NEK1: variants seen among roughly 807,000 people sequenced by gnomAD.
The protein encoded by NEK1 is serine/threonine-protein kinase Nek1.
NEK1 carries 137 observed loss-of-function variants against 182.1 expected under a neutral mutation model. The observed-to-expected ratio is 0.75, with a 90% CI of 0.65 to 0.87. The LOEUF is 0.87. NEK1 is among the 40% of genes least tolerant of loss of function. The pLI is 0.00. For synonymous variants in NEK1, 513 were observed against 492.2 expected (o/e 1.04, Z -0.56); for missense variants, 1,391 against 1,494.4 (o/e 0.93, Z 1.14).
intron 23 of NEK1, among the ~76,000 whole-genome samples, chr4:169,495,988 T>G (rs1162253048): frequency 6.6e-6 from 1 of 152,210 alleles, no homozygotes. Context: ...ATAAATTACC[T>G]TGGGAAGTAG....
chr4:169,588,537 G>A (rs1170314761), intron 8 of NEK1, 112 bp downstream of exon 8: 4 of 591,980 alleles, frequency 6.8e-6, no homozygotes, highest in Non-Finnish European at 1.2e-5. Context: ...ATATACATAT[G>A]TGTTTACATG....
intron 31 of NEK1, among the ~76,000 whole-genome samples, chr4:169,417,694 G>C (rs1021668016): frequency 6.6e-6 from 1 of 152,136 alleles, no homozygotes; most frequent in African/African-American, 2.4e-5. Context: ...GGCCATGAGA[G>C]AGTAATAATG....
intron 2 of NEK1, among the ~76,000 whole-genome samples, chr4:169,611,789 T>C (rs1320806614): frequency 6.6e-6 from 1 of 152,232 alleles, no homozygotes; most frequent in Non-Finnish European, 1.5e-5. Context: ...AAGATTCCTA[T>C]TATTTTAATC....
chr4:169,584,466 A>G (rs1294555041), intron 10 of NEK1, among the ~76,000 whole-genome samples: 1 of 151,846 alleles, frequency 6.6e-6, no homozygotes, highest in Non-Finnish European at 1.5e-5. Flanking sequence ...ACAAAAATTA[A>G]CTGGGCATGG....
chr4:169,567,935 C>G (rs1215621208), intron 12 of NEK1, among the ~76,000 whole-genome samples: 1 of 152,106 alleles, frequency 6.6e-6, no homozygotes, highest in Non-Finnish European at 1.5e-5. Flanking sequence ...AAGCATGCTG[C>G]TTTTATATAC....
intron 18 of NEK1, among the ~76,000 whole-genome samples, chr4:169,553,003 G>A (rs1561399999): frequency 6.6e-6 from 1 of 152,134 alleles, no homozygotes; most frequent in Non-Finnish European, 1.5e-5. Flanking sequence ...TTCCCAAGCT[G>A]ATCTACAGAT....
At chr4:169,400,494 A>T (rs1731471167) in intron 34 of NEK1, 27 bp downstream of exon 34, 1 of 1,581,030 alleles carries the variant, frequency 6.3e-7, no homozygotes, top group Non-Finnish European at 8.6e-7. Flanking sequence ...AGCACATTTT[A>T]AGTGTTTTAA....
At chr4:169,466,014 A>G (rs1026005193) in intron 26 of NEK1, among the ~76,000 whole-genome samples, 4 of 152,166 alleles carry the variant, frequency 2.6e-5, no homozygotes, top group South Asian at 2.1e-4. Flanking sequence ...AAAAAAATCA[A>G]TGAATCCAAT....
intron 19 of NEK1, among the ~76,000 whole-genome samples, chr4:169,516,456 C>T (rs1238870842): frequency 1.0e-5 from 1 of 100,372 alleles, no homozygotes; most frequent in Admixed American, 9.8e-5. Context: ...TGTAGGTTGC[C>T]TGTTCACTCT....
At chr4:169,545,898 C>T (rs1203088159) in intron 18 of NEK1, among the ~76,000 whole-genome samples, 1 of 152,150 alleles carries the variant, frequency 6.6e-6, no homozygotes, top group African/African-American at 2.4e-5. Flanking sequence ...AGGAGAACTA[C>T]AAACCACCCA....
At chr4:169,501,987 T>C (rs1170788373) in intron 23 of NEK1, among the ~76,000 whole-genome samples, 1 of 151,816 alleles carries the variant, frequency 6.6e-6, no homozygotes, top group African/African-American at 2.4e-5. Context: ...ACAAGATTAA[T>C]AAACTTCTGG....
chr4:169,414,977 T>G (rs1734289339), intron 31 of NEK1, among the ~76,000 whole-genome samples: 1 of 152,244 alleles, frequency 6.6e-6, no homozygotes, highest in Admixed American at 6.5e-5. Context: ...ACAGTCATTT[T>G]CCATTATAGG....
intron 12 of NEK1, among the ~76,000 whole-genome samples, chr4:169,570,361 G>A (rs1764544859): frequency 6.6e-6 from 1 of 151,514 alleles, no homozygotes. Context: ...GGAGGGAGGT[G>A]GGGGTCAGCC....
chr4:169,545,051 T>G (rs1314719972), intron 18 of NEK1, among the ~76,000 whole-genome samples: 2 of 117,476 alleles, frequency 1.7e-5, no homozygotes, highest in Non-Finnish European at 1.9e-5. Context: ...GCTTCTCTGA[T>G]TCTTTTTTTT....
intron 27 of NEK1, among the ~76,000 whole-genome samples, chr4:169,458,722 G>A (rs1462650963): frequency 2.6e-5 from 4 of 151,718 alleles, no homozygotes; most frequent in Non-Finnish European, 4.4e-5. Context: ...TAGCTATTCA[G>A]GAAGTTAAGG....
intron 10 of NEK1, among the ~76,000 whole-genome samples, chr4:169,582,384 C>T (rs576021603): frequency 4.6e-5 from 7 of 152,164 alleles, no homozygotes; most frequent in East Asian, 1.9e-4. Context: ...TTACTGAAAC[C>T]GAGACTGTTG....
chr4:169,426,308 G>C (rs1736382149), intron 29 of NEK1, 74 bp from the exon 30 acceptor site: 11 of 1,206,238 alleles, frequency 9.1e-6, no homozygotes, highest in Non-Finnish European at 1.3e-5. Flanking sequence ...CTAAAATACA[G>C]GAAATGGAAC....
chr4:169,479,610 C>G, intron 23 of NEK1, 76 bp from the exon 24 acceptor site: 2 of 1,188,020 alleles, frequency 1.7e-6, no homozygotes, highest in Non-Finnish European at 2.4e-6. Flanking sequence ...CCTACCAGAT[C>G]ACTATTTATC....
intron 29 of NEK1, among the ~76,000 whole-genome samples, chr4:169,430,172 C>CT (rs1737152343): frequency 1.3e-5 from 2 of 151,848 alleles, no homozygotes; most frequent in East Asian, 3.9e-4. Context: ...CTTTAAGGAG[C>CT]TTTTTTTGTT....
Sources: allele counts gnomAD v4.1 joint callset (sites outside exome capture counted in the v4.1 genomes callset), GRCh38; gene constraint gnomAD v4.1.1; transcripts MANE v1.5; gene names NCBI Gene and HGNC (gene_info 2026-07-23, HGNC 2026-07-21).